Variants in CFAP299 observed in about 807,000 individuals in gnomAD.
CFAP299 encodes the protein cilia- and flagella-associated protein 299.
Under a neutral mutation model 27.0 loss-of-function variants are expected in CFAP299, and 21 were observed. That is an observed-to-expected ratio of 0.78 (90% CI 0.55 to 1.12). The LOEUF is 1.12. Among genes scored for constraint, CFAP299 ranks in the 50% most tolerant of loss-of-function variants. The probability of loss-of-function intolerance (pLI) is 0.00; values close to 1 mark genes in which losing one functional copy is unlikely to be tolerated. For synonymous variants in CFAP299, 104 were observed against 98.1 expected, an observed-to-expected ratio of 1.06 and a Z score of -0.36; for missense variants, 310 against 276.6, an observed-to-expected ratio of 1.12 and a Z score of -0.86.
chr4:80,331,228 G>A (rs1251219641), upstream of CFAP299, among the ~76,000 whole-genome samples: 1 of 152,194 alleles, frequency 6.6e-6, no homozygotes, highest in Non-Finnish European at 1.5e-5. Flanking sequence ...GTCTGGTGTG[G>A]CTGGAACATG....
intron 4 of CFAP299, among the ~76,000 whole-genome samples, chr4:80,935,064 A>G (rs912650481): frequency 3.3e-5 from 5 of 151,916 alleles, no homozygotes; most frequent in African/African-American, 1.2e-4. Flanking sequence ...TTGGTATAGC[A>G]TGTTTCCATT....
At chr4:80,789,310 G>T (rs1162119168) in intron 3 of CFAP299, among the ~76,000 whole-genome samples, 1 of 152,092 alleles carries the variant, frequency 6.6e-6, no homozygotes, top group South Asian at 2.1e-4. Flanking sequence ...ATCTTATGTT[G>T]TAGTGACTTA....
intron 3 of CFAP299, among the ~76,000 whole-genome samples, chr4:80,648,087 A>ACAT (rs1740116069): frequency 6.6e-6 from 1 of 152,186 alleles, no homozygotes; most frequent in Non-Finnish European, 1.5e-5. Context: ...TTTTAAGAAA[A>ACAT]GTTAGTTAAT....
At chr4:80,409,025 A>G (rs1726575702) in intron 2 of CFAP299, among the ~76,000 whole-genome samples, 2 of 149,318 alleles carry the variant, frequency 1.3e-5, no homozygotes, top group South Asian at 4.3e-4. Context: ...TAGGGTTGTA[A>G]TGAGACTCTT....
intron 3 of CFAP299, among the ~76,000 whole-genome samples, chr4:80,734,329 A>G (rs182837582): frequency 6.6e-6 from 1 of 152,144 alleles, no homozygotes; most frequent in East Asian, 1.9e-4. Context: ...ATTTTTTCCT[A>G]TAGAGTTGTT....
the CFAP299 span, among the ~76,000 whole-genome samples, chr4:80,327,699 T>TATATAC: frequency 5.8e-5 from 7 of 120,610 alleles, no homozygotes; most frequent in African/African-American, 2.7e-4. Flanking sequence ...GTTATATATA[T>TATATAC]ATATATATAT....
chr4:80,626,477 C>CA (rs1166870945), intron 3 of CFAP299, among the ~76,000 whole-genome samples: 4 of 150,422 alleles, frequency 2.7e-5, no homozygotes, highest in South Asian at 2.1e-4. Context: ...CAAGGAACTG[C>CA]AAAAAACAGG....
chr4:80,917,140 G>A (rs550526874), intron 4 of CFAP299, among the ~76,000 whole-genome samples: 1 of 152,190 alleles, frequency 6.6e-6, no homozygotes, highest in Non-Finnish European at 1.5e-5. Context: ...TAAAAGCAAG[G>A]AGCAAAGAAA....
In CFAP299 at chr4:80,355,265, G is replaced by A. The variant is rs188687924; in HGVS notation, c.112-7489G>A. Among the ~76,000 whole-genome samples, 214 of 150,702 alleles carry A rather than the reference G, an allele frequency of 1.4e-3. 2 individuals carry two copies. Among genetic ancestry groups the A allele is most frequent in the African/African-American group, 4.5e-3 (183 of 41,080 alleles). ...CATTTAGGTTTGGATTTGATTTGCC[G>A]TTCTCTAATAATCAGTGATGTTGAA... On this transcript the variant is annotated intron_variant, in intron 1 of 5. Coordinates refer to ENST00000358105, the MANE Select transcript of CFAP299 (RefSeq NM_152770.3).
At chr4:80,775,964 G>A (rs1022996800) in intron 3 of CFAP299, among the ~76,000 whole-genome samples, 2 of 152,128 alleles carry the variant, frequency 1.3e-5, no homozygotes, top group African/African-American at 4.8e-5. Flanking sequence ...AAAAGAAATT[G>A]TCTTGTAGAG....
chr4:80,827,299 A>G (rs1265248302), intron 3 of CFAP299, among the ~76,000 whole-genome samples: 2 of 151,890 alleles, frequency 1.3e-5, no homozygotes, highest in Non-Finnish European at 2.9e-5. Context: ...ATTGATACAA[A>G]TATCCTTAAC....
chr4:80,680,210 C>T (rs1301182357), intron 3 of CFAP299, among the ~76,000 whole-genome samples: 1 of 152,092 alleles, frequency 6.6e-6, no homozygotes, highest in East Asian at 1.9e-4. Flanking sequence ...AGACATCTTT[C>T]CAAGACCTAT....
chr4:80,387,867 C>T, intron 2 of CFAP299: 1 of 1,210,660 alleles, frequency 8.3e-7, no homozygotes, highest in Non-Finnish European at 1.2e-6. Context: ...GGGTCTTCAG[C>T]ATTGGTGGAG....
At chr4:80,829,297 C>A (rs1333520895) in intron 3 of CFAP299, among the ~76,000 whole-genome samples, 1 of 151,778 alleles carries the variant, frequency 6.6e-6, no homozygotes, top group Non-Finnish European at 1.5e-5. Flanking sequence ...AAAGAAGATA[C>A]AGGAATGGAT....
chr4:80,676,755 AG>A lies in CFAP299; in HGVS notation c.333+93573del, dbSNP rs141711994. Among the ~76,000 whole-genome samples, 982 of 152,144 alleles carry A rather than the reference AG, an allele frequency of 6.5e-3. 15 individuals carry two copies. The highest frequency in any genetic ancestry group is 0.023 in the African/African-American group (943 of 41,522). The stretch of plus-strand genomic sequence containing the variant: ...GTATTGGCACACAGTTGTTCATAAT[AG>A]TCTATGGTGATTATTTGTATTTCTG... On this transcript the variant is annotated intron_variant, in intron 3 of 5. Transcript: ENST00000358105.
intron 3 of CFAP299, among the ~76,000 whole-genome samples, chr4:80,636,927 A>C: frequency 6.6e-6 from 1 of 152,200 alleles, no homozygotes; most frequent in Non-Finnish European, 1.5e-5. Context: ...TTAGAAAATA[A>C]AAAATTGAAG....
chr4:80,637,320 AAGG>A (rs1483239161), intron 3 of CFAP299, among the ~76,000 whole-genome samples: 1 of 152,210 alleles, frequency 6.6e-6, no homozygotes, highest in Non-Finnish European at 1.5e-5. Flanking sequence ...TGTACAGTAA[AAGG>A]AGAAGTGATA....
At chr4:80,895,114 C>G (rs1305536514) in intron 4 of CFAP299, among the ~76,000 whole-genome samples, 1 of 151,610 alleles carries the variant, frequency 6.6e-6, no homozygotes, top group South Asian at 2.1e-4. Flanking sequence ...GAATAGTTAA[C>G]AATACCCTAT....
chr4:80,800,021 A>C (rs1170358548), intron 3 of CFAP299, among the ~76,000 whole-genome samples: 1 of 61,440 alleles, frequency 1.6e-5, no homozygotes, highest in South Asian at 5.4e-4. Flanking sequence ...AGTAATATAT[A>C]TTATATATAA....
Sources: gnomAD v4.1 joint callset for allele counts (sites outside exome capture counted in the v4.1 genomes callset) on GRCh38, gnomAD v4.1.1 for gene constraint, MANE v1.5 for transcripts, NCBI Gene and HGNC (gene_info 2026-07-23, HGNC 2026-07-21) for gene names.